The following STON1 variants were observed in gnomAD, a reference collection of about 807,000 sequenced individuals.
The protein encoded by STON1 is stonin-1.
Under a neutral mutation model 60.9 loss-of-function variants are expected in STON1, and 79 were observed. The observed-to-expected ratio is 1.30, with a 90% CI of 1.08 to 1.56. STON1 has a LOEUF of 1.56. Ranked by LOEUF, STON1 falls within the 40% of genes most tolerant of loss-of-function variation. The pLI, the probability that STON1 is intolerant of heterozygous loss-of-function variation, is 0.00. For synonymous variants in STON1, 363 were observed against 306.9 expected, an observed-to-expected ratio of 1.18 and a Z score of -1.91; for missense variants, 1,166 against 858.9, an observed-to-expected ratio of 1.36 and a Z score of -4.47.
In STON1 at chr2:48,580,614, A is replaced by G. The variant is rs766735203; in HGVS notation, c.-20A>G. On this transcript the variant is annotated 5_prime_UTR_variant, in exon 2 of 4. Transcript: ENST00000404752. ...TCAACCTATTTGATTTCTTGACAAG[A>G]CCACAATCTGATCCCAAAGATGTGC... 3 of 1,335,758 alleles carry G rather than the reference A, an allele frequency of 2.2e-6. No homozygotes were observed. The highest frequency in any genetic ancestry group is 2.9e-6 in the Non-Finnish European group (3 of 1,035,780). 82.7% of individuals were successfully genotyped at this position (1,335,758 alleles called of 1,614,324 possible). A position where few individuals can be genotyped will look rare whatever the true frequency, so the allele number is the denominator to read the frequency against.
At chr2:48,538,814 T>C (rs1190851886) in intron 1 of STON1, among the ~76,000 whole-genome samples, 1 of 149,364 alleles carries the variant, frequency 6.7e-6, no homozygotes, top group African/African-American at 2.5e-5. Flanking sequence ...GATGCAGTTT[T>C]GCCATGTTGG....
intron 1 of STON1, among the ~76,000 whole-genome samples, chr2:48,568,574 G>A (rs370044731): frequency 2.4e-4 from 37 of 152,214 alleles, no homozygotes; most frequent in African/African-American, 8.7e-4. Flanking sequence ...TACTGGAATC[G>A]CCACTAAAAG....
At chr2:48,538,763 ATTTTTTTTT>A (rs34052598) in intron 1 of STON1, among the ~76,000 whole-genome samples, 5 of 86,370 alleles carry the variant, frequency 5.8e-5, no homozygotes, top group African/African-American at 1.4e-4. Flanking sequence ...ACACCCAGCT[ATTTTTTTTT>A]TTTTTTTTTT....
chr2:48,541,800 A>G lies in STON1; in HGVS notation c.-48+11584A>G, dbSNP rs560374171. 1.2e-4 allele frequency among the ~76,000 whole-genome samples: 19 copies of G among 152,132 alleles called. No homozygotes were observed. In the South Asian group the frequency reaches 3.7e-3, roughly 30 times the overall value. ...GCATGTGAAATCTCCTGCTACTAAG[A>G]GAATGCGGGAGAGAAGAGGTCTGAA... On this transcript the variant is annotated intron_variant, in intron 1 of 3. Coordinates refer to ENST00000404752, the MANE Select transcript of STON1 (RefSeq NM_006873.4).
rs1402673813 is a variant in STON1 at position 48,580,866 on chromosome 2, A to C, written c.233A>C (p.Asn78Thr). The C allele has an allele frequency of 3.2e-6, 5 of 1,570,304 alleles. No homozygotes were observed. Among genetic ancestry groups the C allele is most frequent in the Non-Finnish European group, 4.3e-6 (5 of 1,162,680 alleles). The change falls in exon 2 of 4, where the codon AAC becomes ACC. Residue 78 changes from asparagine (N) to threonine (T), a missense_variant. By Grantham distance (65) the Asn-to-Thr change is moderately conservative. Transcript: ENST00000404752. ...DFYFSPGPPS[N>T]SPLSTPTKDF... ...TATTTCAGTCCAGGACCTCCAAGTA[A>C]CTCTCCTCTTTCTACACCTACCAAA...
chr2:48,589,640 G>T lies in STON1; in HGVS notation c.1931-2013G>T, dbSNP rs185471152. ...AAAGAAAAGCAGGTAGAAAGGTTTT[G>T]TTTCTGACATTTTTTGTACCACTAA... On this transcript the variant is annotated intron_variant, in intron 2 of 3. Transcript: ENST00000404752. 2.6e-5 allele frequency among the ~76,000 whole-genome samples: 4 copies of T among 152,240 alleles called. No individual in the cohort carries two copies. In the East Asian group the frequency reaches 7.7e-4, roughly 29 times the overall value.
At chr2:48,592,540 T>C (rs1167950753) in intron 3 of STON1, among the ~76,000 whole-genome samples, 1 of 151,186 alleles carries the variant, frequency 6.6e-6, no homozygotes, top group Non-Finnish European at 1.5e-5. Context: ...CAAGCGATTC[T>C]CCTGCCTCAG....
chr2:48,530,246 G>T (rs1232827648), intron 1 of STON1, 30 bp downstream of exon 1: 3 of 363,570 alleles, frequency 8.3e-6, no homozygotes, highest in Admixed American at 3.8e-5. Context: ...GGACAGAGAC[G>T]GGAGGCCTGG....
chr2:48,549,009 T>A, intron 1 of STON1, among the ~76,000 whole-genome samples: 1 of 152,208 alleles, frequency 6.6e-6, no homozygotes, highest in Non-Finnish European at 1.5e-5. Flanking sequence ...GCAGAGTCAA[T>A]GAGCCCGGAA....
rs751641945 is a variant in STON1 at position 48,581,655 on chromosome 2, C to T, written c.1022C>T (p.Ala341Val). ...CCCAAGGTTGAGAACTTCAGTGTAG[C>T]AGGAAAAATCCACACTGTGAAGATT... is the stretch of plus-strand genomic sequence containing the variant. ...SEPKVENFSV[A>V]GKIHTVKIEH... is the part of the protein sequence containing the mutation. Residue 341 changes from alanine to valine, a missense_variant, in exon 2 of 4, where the codon GCA becomes GTA. Coordinates refer to ENST00000404752, the MANE Select transcript of STON1 (RefSeq NM_006873.4). The T allele has an allele frequency of 6.2e-7, 1 of 1,613,706 alleles. No homozygotes were observed. The highest frequency in any genetic ancestry group is 1.1e-5 in the South Asian group (1 of 90,986).
intron 1 of STON1, among the ~76,000 whole-genome samples, chr2:48,539,810 A>T (rs776265007): frequency 6.6e-6 from 1 of 151,986 alleles, no homozygotes; most frequent in Non-Finnish European, 1.5e-5. Context: ...CCTGATTTCA[A>T]ATTTTATAGG....
chr2:48,566,039 C>A (rs1672926448), intron 1 of STON1, among the ~76,000 whole-genome samples: 1 of 152,172 alleles, frequency 6.6e-6, no homozygotes, highest in Non-Finnish European at 1.5e-5. Context: ...GTTCATATTA[C>A]TGTCAAAGAT....
Position 48,580,975 on chromosome 2 carries a change from C to G in STON1, c.342C>G (p.Leu114=), listed in dbSNP as rs763753184. 1 of 1,577,936 alleles carries G rather than the reference C, an allele frequency of 6.3e-7. No individual in the cohort carries two copies. Among genetic ancestry groups the G allele is most frequent in the Admixed American group, 1.9e-5 (1 of 52,962 alleles). Residue 114 remains leucine, a synonymous_variant, in exon 2 of 4, where the codon CTC becomes CTG. Transcript: ENST00000404752. ...CAGAATCATCTTCAGACAGCCCACT[C>G]GCAATATCAGGAGGAGAATCTTCCT... ...PIPESSSDSP[L]AISGGESSLL...
At chr2:48,569,929 T>C (rs1172374389) in intron 1 of STON1, among the ~76,000 whole-genome samples, 1 of 152,258 alleles carries the variant, frequency 6.6e-6, no homozygotes, top group East Asian at 1.9e-4. Context: ...AGATTTTGTG[T>C]TTTTGAATTA....
chr2:48,538,763 ATTTTTTT>A (rs34052598), intron 1 of STON1, among the ~76,000 whole-genome samples: 53 of 86,364 alleles, frequency 6.1e-4, no homozygotes, highest in Admixed American at 3.2e-3. Context: ...ACACCCAGCT[ATTTTTTT>A]TTTTTTTTTT....
intron 1 of STON1, 49 bp from the exon 2 acceptor site, chr2:48,580,538 C>A: frequency 7.7e-7 from 1 of 1,299,322 alleles, no homozygotes; most frequent in African/African-American, 1.5e-5. Context: ...TAATGATTCC[C>A]CCCTTCATTT....
At chr2:48,578,551 T>C (rs61285614) in intron 1 of STON1, among the ~76,000 whole-genome samples, 1 of 138,364 alleles carries the variant, frequency 7.2e-6, no homozygotes, top group Non-Finnish European at 1.6e-5. Flanking sequence ...CTCCTCCTTC[T>C]CCTCCTTCTC....
At chr2:48,551,009 G>A (rs1010940314) in intron 1 of STON1, among the ~76,000 whole-genome samples, 6 of 149,904 alleles carry the variant, frequency 4.0e-5, no homozygotes, top group Non-Finnish European at 7.4e-5. Context: ...TCTTTTACTG[G>A]TTTCTGTATT....
chr2:48,537,864 AAAAAAAAAG>A (rs1671492883), intron 1 of STON1, among the ~76,000 whole-genome samples: 3 of 150,164 alleles, frequency 2.0e-5, no homozygotes, highest in African/African-American at 7.3e-5. Flanking sequence ...AAAAAAAAAG[AAAAAAAAAG>A]GAAAAAAAAA....
Sources: gnomAD v4.1 joint callset for allele counts (sites outside exome capture counted in the v4.1 genomes callset) on GRCh38, gnomAD v4.1.1 for gene constraint, MANE v1.5 for transcripts, NCBI Gene and HGNC (gene_info 2026-07-23, HGNC 2026-07-21) for gene names.